The following CDK19 variants were observed in gnomAD, a reference collection of about 807,000 sequenced individuals.
CDK19 encodes the protein cyclin-dependent kinase 19.
Under a neutral mutation model 68.3 loss-of-function variants are expected in CDK19, and 20 were observed. The ratio of observed to expected loss-of-function variants is 0.29; its 90% CI spans 0.21 to 0.43. The LOEUF (loss-of-function observed/expected upper bound fraction) is 0.43, where lower values mean the gene tolerates loss of function less well. Among genes scored for constraint, CDK19 ranks in the 20% least tolerant of loss-of-function variants. The pLI is 1.00. For missense variants in CDK19, 339 were observed against 623.5 expected, an observed-to-expected ratio of 0.54 and a Z score of 4.86; for synonymous variants, 221 against 222.8, an observed-to-expected ratio of 0.99 and a Z score of 0.07.
chr6:110,733,305 A>G (rs565578344), intron 2 of CDK19, among the ~76,000 whole-genome samples: 1 of 152,282 alleles, frequency 6.6e-6, no homozygotes, highest in African/African-American at 2.4e-5. Flanking sequence ...GTTTAATATT[A>G]ATGCAGTCTA....
chr6:110,811,595 A>ATGG (rs931924760), intron 1 of CDK19, among the ~76,000 whole-genome samples: 28 of 152,318 alleles, frequency 1.8e-4, no homozygotes, highest in African/African-American at 6.7e-4. Flanking sequence ...AAATTTTTAA[A>ATGG]TGTTTCTAAC....
chr6:110,672,296 T>A (rs1199499857), intron 2 of CDK19, among the ~76,000 whole-genome samples: 1 of 152,184 alleles, frequency 6.6e-6, no homozygotes, highest in African/African-American at 2.4e-5. Context: ...CACTTCCGCA[T>A]CTAAACCAGG....
At chr6:110,781,621 T>C (rs114742043) in intron 1 of CDK19, among the ~76,000 whole-genome samples, 2,113 of 152,142 alleles carry the variant, frequency 0.014, 52 homozygotes, top group African/African-American at 0.048. Context: ...CACAGGCAGA[T>C]GGCATGAGCT....
chr6:110,777,923 A>G (rs1431643449), intron 1 of CDK19, among the ~76,000 whole-genome samples: 1 of 152,236 alleles, frequency 6.6e-6, no homozygotes, highest in Middle Eastern at 3.2e-3. Context: ...TCAGGTAGGT[A>G]CAGTAGTCAA....
Position 110,815,256 on chromosome 6 carries a change from C to T in CDK19, c.-120G>A. 1 of 1,052,728 alleles carries T rather than the reference C, an allele frequency of 9.5e-7. No homozygotes were observed. The highest frequency in any genetic ancestry group is 1.2e-6 in the Non-Finnish European group (1 of 806,610). The allele number at this position is 1,052,728 out of a possible 1,614,324, so 65.2% of individuals were successfully genotyped here. Reference sequence around the variant, plus strand: ...CAGCCGCCTCTCGCGCGCGCGCGCGCGCCGCCCGCCGCCCGCCGCTCCGCG... The same window carrying T: ...CAGCCGCCTCTCGCGCGCGCGCGCGTGCCGCCCGCCGCCCGCCGCTCCGCG... On this transcript the variant is annotated 5_prime_UTR_variant, in exon 1 of 13. Coordinates refer to ENST00000368911, the MANE Select transcript of CDK19 (RefSeq NM_015076.5).
intron 1 of CDK19, among the ~76,000 whole-genome samples, chr6:110,756,682 CGT>C (rs746711046): frequency 4.6e-5 from 7 of 151,042 alleles, no homozygotes; most frequent in East Asian, 3.9e-4. Context: ...TGTATATTTA[CGT>C]GTGTGTGTGT....
chr6:110,682,812 A>C lies in CDK19; in HGVS notation c.205-12271T>G, dbSNP rs904003751. 4.6e-5 allele frequency among the ~76,000 whole-genome samples: 7 copies of C among 151,966 alleles called. No individual in the cohort carries two copies. The East Asian group carries it at 7.8e-4, about 17-fold the overall frequency. ...GCTTAACTCTTCTGAATCTCATAGAAGAATAAGATGTCTACTTACAAACAT... is the reference window on the plus strand; with the variant it reads ...GCTTAACTCTTCTGAATCTCATAGACGAATAAGATGTCTACTTACAAACAT... On this transcript the variant is annotated intron_variant, in intron 2 of 12. Coordinates refer to ENST00000368911, the MANE Select transcript of CDK19 (RefSeq NM_015076.5).
chr6:110,774,839 C>T (rs1780281277), intron 1 of CDK19, among the ~76,000 whole-genome samples: 2 of 152,130 alleles, frequency 1.3e-5, no homozygotes, highest in Admixed American at 6.6e-5. Context: ...GTCCCAGCTA[C>T]TTGGGAGGCT....
chr6:110,749,773 A>G (rs947997258), intron 1 of CDK19, among the ~76,000 whole-genome samples: 1 of 150,848 alleles, frequency 6.6e-6, no homozygotes, highest in African/African-American at 2.4e-5. Context: ...GAATGACCAC[A>G]CTATTTTTTT....
rs1329532414 is a variant in CDK19 at position 110,721,573 on chromosome 6, A to C, written c.204+24553T>G. 2.0e-5 allele frequency among the ~76,000 whole-genome samples: 3 copies of C among 152,286 alleles called. No homozygotes were observed. The East Asian group carries it at 5.8e-4, about 29-fold the overall frequency. On this transcript the variant is annotated intron_variant, in intron 2 of 12. Coordinates refer to ENST00000368911, the MANE Select transcript of CDK19 (RefSeq NM_015076.5). ...CCATTAGTTTCTGGCTAGGCACATA[A>C]AAGGGTTTCTTCAGCTTTGTTGGCC...
chr6:110,723,594 A>T (rs1205253579), intron 2 of CDK19, among the ~76,000 whole-genome samples: 1 of 152,188 alleles, frequency 6.6e-6, no homozygotes, highest in Non-Finnish European at 1.5e-5. Flanking sequence ...CAACAAAGTA[A>T]ATGCAATAAA....
chr6:110,646,771 T>C (rs1208328280), intron 4 of CDK19, among the ~76,000 whole-genome samples: 1 of 152,134 alleles, frequency 6.6e-6, no homozygotes, highest in Non-Finnish European at 1.5e-5. Flanking sequence ...GGTTGAGTTC[T>C]GGCGTCTGAC....
chr6:110,707,130 T>C (rs1774578025), intron 2 of CDK19, among the ~76,000 whole-genome samples: 1 of 150,944 alleles, frequency 6.6e-6, no homozygotes, highest in South Asian at 2.1e-4. Flanking sequence ...GGCCAAACAA[T>C]GACAATCTTT....
chr6:110,630,717 A>G (rs908823594), intron 6 of CDK19, among the ~76,000 whole-genome samples: 1 of 152,198 alleles, frequency 6.6e-6, no homozygotes, highest in Non-Finnish European at 1.5e-5. Context: ...GCCCAGCTGC[A>G]CAGGTAAGGG....
At chr6:110,791,185 T>G (rs1239036660) in intron 1 of CDK19, among the ~76,000 whole-genome samples, 2 of 151,354 alleles carry the variant, frequency 1.3e-5, no homozygotes, top group South Asian at 2.1e-4. Flanking sequence ...AAAAAAAAAT[T>G]TAATTCATTA....
intron 3 of CDK19, among the ~76,000 whole-genome samples, chr6:110,669,597 G>A (rs772895148): frequency 6.6e-6 from 1 of 152,190 alleles, no homozygotes; most frequent in Admixed American, 6.5e-5. Flanking sequence ...CTTGTGCAAG[G>A]TGGCAAGACC....
intron 5 of CDK19, 90 bp from the exon 6 acceptor site, chr6:110,632,251 G>T: frequency 1.0e-6 from 1 of 997,596 alleles, no homozygotes. Context: ...AGTTTGACAT[G>T]CTATTAGAAC....
chr6:110,699,999 T>C (rs1773858360), intron 2 of CDK19, among the ~76,000 whole-genome samples: 1 of 152,228 alleles, frequency 6.6e-6, no homozygotes, highest in South Asian at 2.1e-4. Flanking sequence ...TCATCTGTAT[T>C]TACAGCTGCT....
chr6:110,664,067 C>T (rs972830062), intron 4 of CDK19, among the ~76,000 whole-genome samples: 3 of 152,090 alleles, frequency 2.0e-5, no homozygotes, highest in African/African-American at 7.2e-5. Flanking sequence ...AACAAAAAGA[C>T]CCCAAAAACT....
Sources: gnomAD v4.1 joint callset for allele counts (sites outside exome capture counted in the v4.1 genomes callset) on GRCh38, gnomAD v4.1.1 for gene constraint, MANE v1.5 for transcripts, NCBI Gene and HGNC (gene_info 2026-07-23, HGNC 2026-07-21) for gene names.